Variants in PPP3CA observed in about 807,000 individuals in gnomAD.
PPP3CA encodes the protein protein phosphatase 3 catalytic subunit alpha.
A neutral mutation model predicts 66.5 loss-of-function variants in PPP3CA; 14 were observed. The ratio of observed to expected loss-of-function variants is 0.21; its 90% CI spans 0.14 to 0.33. The LOEUF (loss-of-function observed/expected upper bound fraction) is 0.33. Ranked by LOEUF, PPP3CA falls within the 10% of genes least tolerant of loss-of-function variation. PPP3CA has a pLI of 1.00. For synonymous variants in PPP3CA, 232 were observed against 226.2 expected, an observed-to-expected ratio of 1.03 and a Z score of -0.23; for missense variants, 317 against 639.5, an observed-to-expected ratio of 0.50 and a Z score of 5.44.
chr4:101,169,173 C>T (rs1363132769), intron 2 of PPP3CA, among the ~76,000 whole-genome samples: 1 of 152,196 alleles, frequency 6.6e-6, no homozygotes, highest in East Asian at 1.9e-4. Flanking sequence ...TGCCTGTTCA[C>T]TGAAGATCAA....
chr4:101,281,021 C>T (rs1727666442), intron 1 of PPP3CA, among the ~76,000 whole-genome samples: 1 of 152,002 alleles, frequency 6.6e-6, no homozygotes, highest in Non-Finnish European at 1.5e-5. Context: ...GAACCAAGAG[C>T]ATGTGATTTG....
chr4:101,038,542 G>A (rs531551349), intron 11 of PPP3CA, among the ~76,000 whole-genome samples: 8 of 151,722 alleles, frequency 5.3e-5, no homozygotes, highest in African/African-American at 1.4e-4. Flanking sequence ...GCTAATTTTC[G>A]TATTTTTAGT....
In PPP3CA at chr4:101,023,861, T is replaced by C. The variant is rs1726495879; in HGVS notation, c.*2004A>G. ...TACAAACAAACTGAAATTTGGTGTA[T>C]CTTAAATCTTCGGGTGATGATTAGA... On this transcript the variant is annotated 3_prime_UTR_variant, in exon 14 of 14. Transcript: ENST00000394854. 6.5e-6 allele frequency: 1 copy of C among 152,768 alleles called. No individual in the cohort carries two copies. Among genetic ancestry groups the C allele is most frequent in the Admixed American group, 6.5e-5 (1 of 15,296 alleles). 9.5% of individuals were successfully genotyped at this position (152,768 alleles called of 1,614,324 possible). A position where few individuals can be genotyped will look rare whatever the true frequency, so the allele number is the denominator to read the frequency against.
chr4:101,209,596 T>C (rs1346378381), intron 1 of PPP3CA, among the ~76,000 whole-genome samples: 1 of 152,196 alleles, frequency 6.6e-6, no homozygotes, highest in African/African-American at 2.4e-5. Flanking sequence ...TTGATGTATT[T>C]TATTTATGCA....
At chr4:101,284,878 G>C (rs1197971292) in intron 1 of PPP3CA, among the ~76,000 whole-genome samples, 1 of 152,098 alleles carries the variant, frequency 6.6e-6, no homozygotes, top group Non-Finnish European at 1.5e-5. Flanking sequence ...AATCTGGATA[G>C]CTGAAGATGT....
At chr4:101,230,588 C>T (rs1208138772) in intron 1 of PPP3CA, among the ~76,000 whole-genome samples, 1 of 151,512 alleles carries the variant, frequency 6.6e-6, no homozygotes, top group Non-Finnish European at 1.5e-5. Context: ...AATAAAGCCT[C>T]CCAACTGTGT....
At chr4:101,137,768 G>C (rs1413202876) in intron 2 of PPP3CA, among the ~76,000 whole-genome samples, 1 of 150,932 alleles carries the variant, frequency 6.6e-6, no homozygotes, top group Non-Finnish European at 1.5e-5. Flanking sequence ...TCCTCTCAAC[G>C]TTTTCTCCTA....
intron 2 of PPP3CA, among the ~76,000 whole-genome samples, chr4:101,154,239 G>A (rs1164399613): frequency 6.6e-6 from 1 of 152,106 alleles, no homozygotes; most frequent in Non-Finnish European, 1.5e-5. Flanking sequence ...ATTAAAACAA[G>A]TTTACCACCA....
At chr4:101,123,646 C>T (rs116536763) in intron 2 of PPP3CA, among the ~76,000 whole-genome samples, 6 of 152,128 alleles carry the variant, frequency 3.9e-5, no homozygotes, top group African/African-American at 7.2e-5. Context: ...GCCTGCACAA[C>T]GTGGTGAAAC....
intron 2 of PPP3CA, among the ~76,000 whole-genome samples, chr4:101,175,259 A>T (rs903561102): frequency 2.6e-5 from 4 of 152,188 alleles, no homozygotes; most frequent in African/African-American, 9.6e-5. Flanking sequence ...GGGAAGACTA[A>T]AGTTGACAGC....
At chr4:101,224,931 C>T (rs1478804842) in intron 1 of PPP3CA, among the ~76,000 whole-genome samples, 2 of 151,672 alleles carry the variant, frequency 1.3e-5, no homozygotes, top group African/African-American at 2.4e-5. Flanking sequence ...CTTTTGCCCT[C>T]TTCTGCTTTC....
chr4:101,131,233 T>A (rs1352023809), intron 2 of PPP3CA, among the ~76,000 whole-genome samples: 4 of 130,180 alleles, frequency 3.1e-5, no homozygotes, highest in Non-Finnish European at 6.4e-5. Flanking sequence ...TGAGACTCCG[T>A]CTCAAAATAA....
intron 3 of PPP3CA, among the ~76,000 whole-genome samples, chr4:101,105,348 G>C (rs1419393782): frequency 1.3e-5 from 2 of 151,534 alleles, no homozygotes; most frequent in African/African-American, 4.8e-5. Flanking sequence ...TGTATTTTTA[G>C]TAAAGATGGA....
intron 2 of PPP3CA, among the ~76,000 whole-genome samples, chr4:101,111,406 T>C (rs1721665142): frequency 1.3e-5 from 2 of 152,254 alleles, no homozygotes; most frequent in South Asian, 4.1e-4. Flanking sequence ...TCCCTCTCCT[T>C]GCTGCCTAAC....
chr4:101,327,238 AG>A (rs1729235671), intron 1 of PPP3CA, among the ~76,000 whole-genome samples: 1 of 152,178 alleles, frequency 6.6e-6, no homozygotes, highest in Non-Finnish European at 1.5e-5. Context: ...AGACAATTGA[AG>A]TCTAATCAAA....
At chr4:101,103,448 A>T (rs1730532734) in intron 3 of PPP3CA, among the ~76,000 whole-genome samples, 1 of 152,190 alleles carries the variant, frequency 6.6e-6, no homozygotes, top group Admixed American at 6.5e-5. Flanking sequence ...GCAGCAGTGG[A>T]AGAGCAATGC....
chr4:101,082,114 T>G (rs1479270894), intron 7 of PPP3CA, among the ~76,000 whole-genome samples: 1 of 152,230 alleles, frequency 6.6e-6, no homozygotes, highest in Non-Finnish European at 1.5e-5. Context: ...GTCAGCCGAC[T>G]GGAACACAGC....
rs1730008755 is a variant in PPP3CA at position 101,346,647 on chromosome 4, G to A, written c.58+92C>T. The A allele has an allele frequency of 2.3e-5, 26 of 1,109,180 alleles. No individual in the cohort carries two copies. The South Asian group carries it at 2.6e-4, about 11-fold the overall frequency. The allele number at this position is 1,109,180 out of a possible 1,614,324, so 68.7% of individuals were successfully genotyped here. On this transcript the variant is annotated intron_variant, in intron 1 of 13. Transcript: ENST00000394854. ...GCTGGAGCGGACAGAGGAGAACCTGGGGCGGGGGAGGGGAGGAAAGGCGAG... is the reference window on the plus strand; with the variant it reads ...GCTGGAGCGGACAGAGGAGAACCTGAGGCGGGGGAGGGGAGGAAAGGCGAG...
chr4:101,165,915 G>A (rs992781122), intron 2 of PPP3CA, among the ~76,000 whole-genome samples: 1 of 152,118 alleles, frequency 6.6e-6, no homozygotes, highest in African/African-American at 2.4e-5. Flanking sequence ...AAAGTAGATG[G>A]ATGATACAGC....
Sources: allele counts gnomAD v4.1 joint callset (sites outside exome capture counted in the v4.1 genomes callset), GRCh38; gene constraint gnomAD v4.1.1; transcripts MANE v1.5; gene names NCBI Gene and HGNC (gene_info 2026-07-23, HGNC 2026-07-21).